Variants in UTRN observed in about 807,000 individuals in gnomAD.
The protein encoded by UTRN is utrophin, also known as dystrophin-related protein 1.
A neutral mutation model predicts 463.9 loss-of-function variants in UTRN; 283 were observed. The ratio of observed to expected loss-of-function variants is 0.61; its 90% CI spans 0.55 to 0.67. The LOEUF is 0.67. Among genes scored for constraint, UTRN ranks in the 30% least tolerant of loss-of-function variants. The pLI is 0.00. For synonymous variants in UTRN, 1,442 were observed against 1,431.5 expected (o/e 1.01, Z -0.17); for missense variants, 3,922 against 4,084.3 (o/e 0.96, Z 1.08).
intron 48 of UTRN, among the ~76,000 whole-genome samples, chr6:144,554,459 A>G (rs1799206918): frequency 6.6e-6 from 1 of 152,228 alleles, no homozygotes; most frequent in Admixed American, 6.5e-5. Context: ...GAGTTGTTTT[A>G]GAGCACTGAA....
intron 51 of UTRN, among the ~76,000 whole-genome samples, chr6:144,626,256 G>A (rs1775929575): frequency 6.6e-6 from 1 of 152,094 alleles, no homozygotes; most frequent in South Asian, 2.1e-4. Context: ...ACAAACATCT[G>A]AAAAACTCTC....
chr6:144,674,462 C>T (rs1781390082), intron 51 of UTRN, among the ~76,000 whole-genome samples: 2 of 151,342 alleles, frequency 1.3e-5, no homozygotes, highest in South Asian at 4.2e-4. Flanking sequence ...TTTTGCATTT[C>T]TCTGAGTGTG....
chr6:144,655,641 C>T (rs1327576211), intron 51 of UTRN, among the ~76,000 whole-genome samples: 1 of 152,018 alleles, frequency 6.6e-6, no homozygotes, highest in Non-Finnish European at 1.5e-5. Context: ...CTTTTCTTTT[C>T]TTTTTGTTCT....
intron 12 of UTRN, 26 bp from the exon 13 acceptor site, chr6:144,440,326 T>C (rs1392080755): frequency 3.1e-6 from 5 of 1,613,334 alleles, no homozygotes; most frequent in Admixed American, 3.3e-5. Context: ...GTAGAAATAA[T>C]GGTTTATCTT....
intron 53 of UTRN, among the ~76,000 whole-genome samples, chr6:144,707,642 A>G (rs1281015094): frequency 2.0e-5 from 3 of 152,194 alleles, no homozygotes; most frequent in Admixed American, 6.6e-5. Context: ...GGCTCAACCT[A>G]TAGTGTAAAT....
chr6:144,484,691 C>A (rs574669480), intron 27 of UTRN, among the ~76,000 whole-genome samples: 1 of 151,944 alleles, frequency 6.6e-6, no homozygotes, highest in African/African-American at 2.4e-5. Flanking sequence ...GATCCACCTG[C>A]CTTGGCCTCC....
intron 58 of UTRN, among the ~76,000 whole-genome samples, chr6:144,770,992 T>C (rs1377659068): frequency 6.6e-6 from 1 of 152,206 alleles, no homozygotes; most frequent in Admixed American, 6.5e-5. Flanking sequence ...AACTTGTTTC[T>C]GCAATCTTTG....
intron 2 of UTRN, among the ~76,000 whole-genome samples, chr6:144,295,400 A>G (rs959260161): frequency 6.6e-6 from 1 of 152,242 alleles, no homozygotes; most frequent in Non-Finnish European, 1.5e-5. Flanking sequence ...GGCTAAGGAC[A>G]GTGTGTCAGC....
intron 33 of UTRN, among the ~76,000 whole-genome samples, chr6:144,495,261 G>A (rs1407686011): frequency 6.6e-6 from 1 of 152,208 alleles, no homozygotes; most frequent in Non-Finnish European, 1.5e-5. Context: ...GGAGGCTCAG[G>A]AATGGCGGGC....
At chr6:144,711,965 C>CTGTGTG (rs3061883) in intron 53 of UTRN, among the ~76,000 whole-genome samples, 1 of 150,854 alleles carries the variant, frequency 6.6e-6, no homozygotes, top group Admixed American at 6.6e-5. Flanking sequence ...TAAATTTAGG[C>CTGTGTG]TGTGTGTGTG....
At chr6:144,362,348 A>T (rs1201449603) in intron 2 of UTRN, among the ~76,000 whole-genome samples, 1 of 152,032 alleles carries the variant, frequency 6.6e-6, no homozygotes, top group Admixed American at 6.6e-5. Flanking sequence ...TGTTCATTGT[A>T]CCCTTTTCAG....
chr6:144,473,710 G>T lies in UTRN; in HGVS notation c.3067-10G>T. 1 of 1,612,380 alleles carries T rather than the reference G, an allele frequency of 6.2e-7. No individual in the cohort carries two copies. The highest frequency in any genetic ancestry group is 8.5e-7 in the Non-Finnish European group (1 of 1,178,546). ...AAGTAATATCCCCCTCTGTTATCAT[G>T]TTCGATTAGGCCGATTCAACAGTCA... On this transcript the variant is annotated splice_polypyrimidine_tract_variant and intron_variant, in intron 23 of 74. Transcript: ENST00000367545.
At chr6:144,439,169 A>C (rs1320716478) in intron 12 of UTRN, among the ~76,000 whole-genome samples, 1 of 152,168 alleles carries the variant, frequency 6.6e-6, no homozygotes, top group Non-Finnish European at 1.5e-5. Flanking sequence ...TGGCCCTCTA[A>C]GTGGCTAAGA....
At chr6:144,560,817 C>G (rs1191749323) in intron 50 of UTRN, among the ~76,000 whole-genome samples, 1 of 151,902 alleles carries the variant, frequency 6.6e-6, no homozygotes, top group Non-Finnish European at 1.5e-5. Context: ...AGCCTTTTTC[C>G]TTGCTGCAGA....
At chr6:144,301,713 TTAG>T (rs1562721601) in intron 2 of UTRN, among the ~76,000 whole-genome samples, 1 of 151,918 alleles carries the variant, frequency 6.6e-6, no homozygotes, top group African/African-American at 2.4e-5. Context: ...TTTTGTATTT[TTAG>T]TAGAAGTGGA....
At chr6:144,299,507 G>A (rs1805041945) in intron 2 of UTRN, among the ~76,000 whole-genome samples, 1 of 152,010 alleles carries the variant, frequency 6.6e-6, no homozygotes. Context: ...AGGAAAGTGG[G>A]TCAGGAGAGT....
intron 51 of UTRN, among the ~76,000 whole-genome samples, chr6:144,593,546 G>A (rs1244455581): frequency 1.3e-5 from 2 of 152,174 alleles, no homozygotes; most frequent in African/African-American, 2.4e-5. Context: ...GAGGGATTTT[G>A]TAAAGAGGGG....
chr6:144,843,326 T>C (rs1781753057), intron 73 of UTRN, among the ~76,000 whole-genome samples: 1 of 152,104 alleles, frequency 6.6e-6, no homozygotes, highest in African/African-American at 2.4e-5. Context: ...AATTTTATTC[T>C]AAAAATGTGG....
At chr6:144,813,063 G>A (rs1778760946) in intron 65 of UTRN, among the ~76,000 whole-genome samples, 1 of 152,118 alleles carries the variant, frequency 6.6e-6, no homozygotes, top group African/African-American at 2.4e-5. Context: ...GCCCTAATTT[G>A]TACATGTGAA....
Sources: allele counts gnomAD v4.1 joint callset (sites outside exome capture counted in the v4.1 genomes callset), GRCh38; gene constraint gnomAD v4.1.1; transcripts MANE v1.5; gene names NCBI Gene and HGNC (gene_info 2026-07-23, HGNC 2026-07-21).